The following RAB12 variants were observed in gnomAD, a reference collection of about 807,000 sequenced individuals.
RAB12 encodes the protein ras-related protein Rab-12.
A neutral mutation model predicts 28.4 loss-of-function variants in RAB12; 11 were observed. That is an observed-to-expected ratio of 0.39 (90% CI 0.24 to 0.64). The LOEUF (loss-of-function observed/expected upper bound fraction) is 0.64. Ranked by LOEUF, RAB12 falls within the 30% of genes least tolerant of loss-of-function variation. The probability of loss-of-function intolerance (pLI) is 0.50; values close to 1 mark genes in which losing one functional copy is unlikely to be tolerated. For missense variants in RAB12, 276 were observed against 351.1 expected, an observed-to-expected ratio of 0.79 and a Z score of 1.71; for synonymous variants, 138 against 145.3, an observed-to-expected ratio of 0.95 and a Z score of 0.36.
chr18:8,634,786 C>T (rs1456396496), intron 3 of RAB12, among the ~76,000 whole-genome samples: 4 of 152,198 alleles, frequency 2.6e-5, no homozygotes, highest in Admixed American at 2.0e-4. Flanking sequence ...AACTGGCCCA[C>T]GGCCACACCA....
At chr18:8,619,948 G>A (rs779205881) in intron 1 of RAB12, among the ~76,000 whole-genome samples, 1 of 151,978 alleles carries the variant, frequency 6.6e-6, no homozygotes, top group Non-Finnish European at 1.5e-5. Context: ...ACCAGCCTGG[G>A]CAACATAGTG....
intron 1 of RAB12, among the ~76,000 whole-genome samples, chr18:8,623,764 T>C (rs2096011177): frequency 6.6e-6 from 1 of 152,250 alleles, no homozygotes; most frequent in Non-Finnish European, 1.5e-5. Flanking sequence ...AGGTTAAGAA[T>C]TGACATGGAG....
In RAB12 at chr18:8,609,791, C is replaced by G. The variant is rs752093779; in HGVS notation, c.352C>G (p.Pro118Ala). 7.2e-7 allele frequency: 1 copy of G among 1,390,040 alleles called. No homozygotes were observed. The highest frequency in any genetic ancestry group is 1.5e-5 in the African/African-American group (1 of 65,610). 86.1% of individuals were successfully genotyped at this position (1,390,040 alleles called of 1,614,324 possible). The stretch of plus-strand genomic sequence containing the variant: ...CGGCGGCGGTCTGGGCGCGGGCTCC[C>G]CGGCGCTGTCGGGCGGCCAGGGCCG... Reference protein sequence around the residue: ...GGGGGLGAGSPALSGGQGRRR... With the variant: ...GGGGGLGAGSAALSGGQGRRR... The change falls in exon 1 of 6, where the codon CCG (proline) becomes GCG (alanine). Residue 118 changes from proline to alanine, a missense_variant. Physicochemically the swap from Pro to Ala is conservative, Grantham distance 27. Transcript: ENST00000649141.
intron 1 of RAB12, among the ~76,000 whole-genome samples, chr18:8,618,578 T>C (rs1169035262): frequency 1.3e-5 from 2 of 151,878 alleles, no homozygotes; most frequent in African/African-American, 4.8e-5. Flanking sequence ...GGCGCGATAT[T>C]GGCTCACTGC....
chr18:8,617,069 G>A (rs992250921), intron 1 of RAB12, among the ~76,000 whole-genome samples: 4 of 152,186 alleles, frequency 2.6e-5, no homozygotes, highest in African/African-American at 9.7e-5. Context: ...GCTGTCCTTA[G>A]GCAAGCAGCT....
intron 1 of RAB12, among the ~76,000 whole-genome samples, chr18:8,619,289 G>A (rs1214305381): frequency 6.6e-6 from 1 of 152,264 alleles, no homozygotes; most frequent in Non-Finnish European, 1.5e-5. Context: ...GTGGACCACA[G>A]TGGTGGTTAG....
At position 8,627,611 on chromosome 18, in the gene RAB12, G is replaced by A. The variant is rs550534084; in HGVS notation, c.575+2613G>A. Among the ~76,000 whole-genome samples, 8 of 152,324 alleles carry A rather than the reference G, an allele frequency of 5.3e-5. No homozygotes were observed. The South Asian group carries it at 1.2e-3, about 24-fold the overall frequency. ...TAAAATAAAACATGTTGACTAGGAT[G>A]TAGTTTGATGAATTTATATCCAAAT... On this transcript the variant is annotated intron_variant, in intron 2 of 5. Coordinates refer to ENST00000649141, the MANE Select transcript of RAB12 (RefSeq NM_001025300.3).
Position 8,627,206 on chromosome 18 carries a change from G to A in RAB12, c.575+2208G>A, listed in dbSNP as rs534031620. On this transcript the variant is annotated intron_variant, in intron 2 of 5. Transcript: ENST00000649141. ...TGGTGTAACCTGCTTTGTTGTGGGC[G>A]TGTTGTCGTCGTTTCACTCTCATCC... Among the ~76,000 whole-genome samples the A allele has an allele frequency of 9.2e-5, 14 of 152,346 alleles. No homozygotes were observed. The South Asian group carries it at 1.9e-3, about 20-fold the overall frequency.
chr18:8,610,194 CAGCCCCCGG>C, intron 1 of RAB12: 1 of 413,838 alleles, frequency 2.4e-6, no homozygotes, highest in Non-Finnish European at 4.4e-6. Context: ...GAGGTCCTGG[CAGCCCCCGG>C]GGCCTGTGGG....
chr18:8,626,455 T>C (rs894676212), intron 2 of RAB12, among the ~76,000 whole-genome samples: 1 of 152,240 alleles, frequency 6.6e-6, no homozygotes. Context: ...GCACATGTCT[T>C]AATTAATGCA....
chr18:8,614,704 GC>G (rs1377325417), intron 1 of RAB12, among the ~76,000 whole-genome samples: 1 of 152,118 alleles, frequency 6.6e-6, no homozygotes, highest in Non-Finnish European at 1.5e-5. Flanking sequence ...TCCTGCCTCA[GC>G]CTCCCAAGTA....
intron 1 of RAB12, among the ~76,000 whole-genome samples, chr18:8,618,775 G>T (rs1415272368): frequency 6.6e-6 from 1 of 152,194 alleles, no homozygotes; most frequent in Non-Finnish European, 1.5e-5. Flanking sequence ...GCCTCCCAAA[G>T]TGCTGGGATT....
rs1273176815 is a variant in RAB12 at position 8,638,758 on chromosome 18, T to C, written c.*496T>C. On this transcript the variant is annotated 3_prime_UTR_variant, in exon 6 of 6. Transcript: ENST00000649141. Reference sequence around the variant, plus strand: ...GTAGCATCTGAAGTATTGGAGTGTTTCTGCCACGAAGCAAAGCTCCATTCA... The same window carrying C: ...GTAGCATCTGAAGTATTGGAGTGTTCCTGCCACGAAGCAAAGCTCCATTCA... 1 of 153,444 alleles carries C rather than the reference T, an allele frequency of 6.5e-6. No individual in the cohort carries two copies. The highest frequency in any genetic ancestry group is 1.5e-5 in the Non-Finnish European group (1 of 68,698). The allele number at this position is 153,444 out of a possible 1,614,324, so 9.5% of individuals were successfully genotyped here. A position where few individuals can be genotyped will look rare whatever the true frequency, so the allele number is the denominator to read the frequency against.
At chr18:8,614,505 TAAAAAAAA>T (rs763826653) in intron 1 of RAB12, among the ~76,000 whole-genome samples, 2 of 87,284 alleles carry the variant, frequency 2.3e-5, no homozygotes. Context: ...GTAAGAACAT[TAAAAAAAA>T]AAAAAGAAAA....
chr18:8,639,144 GTTCTTTTTTTTTTTTT>G lies in RAB12; in HGVS notation c.*885_*900del, dbSNP rs2096020794. On this transcript the variant is annotated 3_prime_UTR_variant, in exon 6 of 6. Coordinates refer to ENST00000649141, the MANE Select transcript of RAB12 (RefSeq NM_001025300.3). ...CTTATTCTGATTAAGCCTAGACTGT[GTTCTTTTTTTTTTTTT>G]TTTTTTTTTTTTTTTTTTTTTTTTT... 1.3e-3 allele frequency: 21 copies of G among 16,580 alleles called. No individual in the cohort carries two copies. Among genetic ancestry groups the G allele is most frequent in the Admixed American group, 2.9e-3 (3 of 1,026 alleles). 1.0% of individuals were successfully genotyped at this position (16,580 alleles called of 1,614,324 possible). A position where few individuals can be genotyped will look rare whatever the true frequency, so the allele number is the denominator to read the frequency against.
At position 8,614,505 on chromosome 18, in the gene RAB12, T is replaced by G. The variant is rs1245130659; in HGVS notation, c.514+4552T>G. 1.5e-4 allele frequency among the ~76,000 whole-genome samples: 13 copies of G among 87,294 alleles called. 1 individual carries two copies. Among genetic ancestry groups the G allele is most frequent in the Admixed American group, 1.0e-3 (9 of 8,646 alleles). 57.3% of individuals were successfully genotyped at this position (87,294 alleles called of 152,430 possible). On this transcript the variant is annotated intron_variant, in intron 1 of 5. Transcript: ENST00000649141. ...TCTTTATTTTGCCAAGTAAGAACATTAAAAAAAAAAAAAGAAAAAAAAAAG... is the reference window on the plus strand; with the variant it reads ...TCTTTATTTTGCCAAGTAAGAACATGAAAAAAAAAAAAAGAAAAAAAAAAG...
At position 8,635,546 on chromosome 18, in the gene RAB12, A is replaced by G; in HGVS notation, c.728A>G (p.Asp243Gly). 1 of 1,612,428 alleles carries G rather than the reference A, an allele frequency of 6.2e-7. No individual in the cohort carries two copies. Among genetic ancestry groups the G allele is most frequent in the South Asian group, 1.1e-5 (1 of 90,796 alleles). ...MKMIDKYASE[D>G]AELLLVGNKL... Reference sequence around the variant, plus strand: ...AAAATTCCACAGTATGCTTCAGAAGATGCAGAGCTTCTCTTAGTTGGAAAT... The same window carrying G: ...AAAATTCCACAGTATGCTTCAGAAGGTGCAGAGCTTCTCTTAGTTGGAAAT... The change falls in exon 4 of 6, where the codon GAT becomes GGT. Residue 243 changes from aspartate to glycine, a missense_variant. Physicochemically the swap from Asp to Gly is moderately conservative, Grantham distance 94. This residue lies in a region of RAB12 where 127 missense variants were observed against 161.4 expected (regional missense o/e 0.79). Transcript: ENST00000649141.
rs145192660 is a variant in RAB12, at chr18:8,615,078, G to A, written c.514+5125G>A. On this transcript the variant is annotated intron_variant, in intron 1 of 5. Coordinates refer to ENST00000649141, the MANE Select transcript of RAB12 (RefSeq NM_001025300.3). ...GGGGGTGCACTCAGGATGCCCACTG[G>A]TGGGGCCTCGGCCTGAGACTGCTTA... Among the ~76,000 whole-genome samples, 55 of 152,302 alleles carry A rather than the reference G, an allele frequency of 3.6e-4. 1 individual carries two copies. Among genetic ancestry groups the A allele is most frequent in the Admixed American group, 2.2e-3 (33 of 15,300 alleles).
chr18:8,624,696 G>A (rs2096011716), intron 1 of RAB12, among the ~76,000 whole-genome samples: 1 of 152,180 alleles, frequency 6.6e-6, no homozygotes. Context: ...GCAAATACTA[G>A]ACCGATCACT....
Sources: gnomAD v4.1 joint callset for allele counts (sites outside exome capture counted in the v4.1 genomes callset) on GRCh38, gnomAD v4.1.1 for gene constraint, gnomAD v4.1.1 regional missense constraint, MANE v1.5 for transcripts, NCBI Gene and HGNC (gene_info 2026-07-23, HGNC 2026-07-21) for gene names.